The following NT5C1B variants were observed in gnomAD, a reference collection of about 807,000 sequenced individuals.
NT5C1B encodes 5'-nucleotidase, cytosolic IB, also known as cytosolic 5'-nucleotidase 1B.
NT5C1B carries 44 observed loss-of-function variants against 57.8 expected under a neutral mutation model. The observed-to-expected ratio is 0.76, with a 90% CI of 0.60 to 0.98. The LOEUF (loss-of-function observed/expected upper bound fraction) is 0.98, where lower values mean the gene tolerates loss of function less well. NT5C1B is among the 50% of genes least tolerant of loss of function. The probability of loss-of-function intolerance (pLI) is 0.00; values close to 1 mark genes in which losing one functional copy is unlikely to be tolerated. For synonymous variants in NT5C1B, 284 were observed against 282.6 expected, an observed-to-expected ratio of 1.00 and a Z score of -0.05; for missense variants, 742 against 719.5, an observed-to-expected ratio of 1.03 and a Z score of -0.36.
At chr2:18,587,546 T>G in exon 2 of NT5C1B, 1 of 1,614,028 alleles carries the variant, frequency 6.2e-7, no homozygotes. Context: ...TTCCTTTCTT[T>G]TTTCTGCTTC....
rs776947814 is a variant in NT5C1B, at chr2:18,584,652, G to A, written c.585C>T (p.Ala195=). Residue 195 remains alanine (A), a synonymous_variant, in exon 4 of 9, where the codon GCC becomes GCT. Coordinates refer to ENST00000304081, the Ensembl canonical transcript of NT5C1B. This position sits in a 1 kb window ranked among gnomAD's most constrained non-coding sequence, Gnocchi z 5.8. The stretch of plus-strand genomic sequence containing the variant: ...GAGAGTTGCGGTCCAGCTGGGTGGA[G>A]GCGGGGTAGATCCCCCTGCGCTGGC... The A allele has an allele frequency of 1.2e-6, 2 of 1,613,232 alleles. No individual in the cohort carries two copies. Among genetic ancestry groups the A allele is most frequent in the South Asian group, 1.1e-5 (1 of 90,890 alleles).
At chr2:18,569,493 A>G (rs907404745) in intron 8 of NT5C1B, among the ~76,000 whole-genome samples, 2 of 152,160 alleles carry the variant, frequency 1.3e-5, no homozygotes, top group Non-Finnish European at 2.9e-5. Context: ...ATCTATAAGA[A>G]AAATAAGTTA....
At chr2:18,576,457 T>C in intron 7 of NT5C1B, 89 bp from the exon 8 acceptor site, 1 of 1,470,782 alleles carries the variant, frequency 6.8e-7, no homozygotes, top group Non-Finnish European at 9.0e-7. Flanking sequence ...TCCCAGACCT[T>C]ATGTTTTCTC....
At chr2:18,576,163 A>G in intron 8 of NT5C1B, 21 bp downstream of exon 8, 2 of 1,575,752 alleles carry the variant, frequency 1.3e-6, no homozygotes, top group South Asian at 1.2e-5. Flanking sequence ...ATAAAAATTA[A>G]TTAGCACTCA....
rs750716674 is a variant in NT5C1B at position 18,589,496 on chromosome 2, GT to G, written c.-29del. 3 of 1,613,736 alleles carry G rather than the reference GT, an allele frequency of 1.9e-6. No individual in the cohort carries two copies. The highest frequency in any genetic ancestry group is 1.7e-6 in the Non-Finnish European group (2 of 1,179,928). On this transcript the variant is annotated 5_prime_UTR_variant, in exon 1 of 9. An upstream open reading frame in the 5' UTR loses its in-frame stop. Transcript: ENST00000304081. Reference sequence around the variant, plus strand: ...TTTTACCTGTTGAAATTCTTTTGTTGTTATCCACATTTTTGTCTCCCCAGCT... The same window carrying G: ...TTTTACCTGTTGAAATTCTTTTGTTGTATCCACATTTTTGTCTCCCCAGCT...
intron 1 of NT5C1B, among the ~76,000 whole-genome samples, chr2:18,588,982 G>A (rs905836864): frequency 2.6e-5 from 4 of 151,986 alleles, no homozygotes; most frequent in Admixed American, 1.3e-4. Context: ...TGTGTTCTTC[G>A]AAACCCAGCT....
chr2:18,585,666 T>C (rs1426856420), intron 3 of NT5C1B, among the ~76,000 whole-genome samples: 1 of 152,140 alleles, frequency 6.6e-6, no homozygotes, highest in Non-Finnish European at 1.5e-5. Flanking sequence ...TTATTAGGTA[T>C]CCATATATGA....
Position 18,584,353 on chromosome 2 carries a change from C to G in NT5C1B, c.724-98G>C. 6.4e-7 allele frequency: 1 copy of G among 1,552,680 alleles called. No homozygotes were observed. Among genetic ancestry groups the G allele is most frequent in the South Asian group, 1.2e-5 (1 of 80,922 alleles). ...TAGGGTGAGAGTAGGACAGCGGGCC[C>G]CTGCTTGGAGAAGCGGGATGCTGGA... On this transcript the variant is annotated intron_variant, in intron 4 of 8. Transcript: ENST00000304081. This position sits in a 1 kb window ranked among gnomAD's most constrained non-coding sequence, Gnocchi z 5.8.
At chr2:18,571,458 A>G (rs1665143137) in intron 8 of NT5C1B, among the ~76,000 whole-genome samples, 1 of 151,844 alleles carries the variant, frequency 6.6e-6, no homozygotes, top group South Asian at 2.1e-4. Flanking sequence ...AAAAAATGTA[A>G]TATCTGTGTG....
rs145060005 is a variant in NT5C1B, at chr2:18,584,602, C to CGCTGCTGCT, written c.626_634dup (p.Gln209_Gln211dup). The CGCTGCTGCT allele has an allele frequency of 1.2e-6, 2 of 1,611,800 alleles. No homozygotes were observed. Among genetic ancestry groups the CGCTGCTGCT allele is most frequent in the East Asian group, 2.2e-5 (1 of 44,792 alleles). Reference sequence around the variant, plus strand: ...AGCCTCGTAGTCGTCCTCGTCCTCCCGCTGCTGCTGCTGCTGCTCGGACAG... The same window carrying CGCTGCTGCT: ...AGCCTCGTAGTCGTCCTCGTCCTCCCGCTGCTGCTGCTGCTGCTGCTGCTGCTCGGACAG... On this transcript the variant is annotated inframe_insertion, in exon 4 of 9. Transcript: ENST00000304081. The surrounding 1 kb of genome is among the most constrained non-coding windows in gnomAD (Gnocchi z 5.8).
rs776664453 is a variant in NT5C1B at position 18,589,487 on chromosome 2, T to G, written c.-19A>C. ...GACTCATTTTTTTACCTGTTGAAAT[T>G]CTTTTGTTGTTATCCACATTTTTGT... is the stretch of plus-strand genomic sequence containing the variant. On this transcript the variant is annotated 5_prime_UTR_variant, in exon 1 of 9. Coordinates refer to ENST00000304081, the Ensembl canonical transcript of NT5C1B. 9.3e-6 allele frequency: 15 copies of G among 1,613,890 alleles called. No homozygotes were observed. In the Admixed American group the frequency reaches 2.5e-4, roughly 27 times the overall value.
chr2:18,576,557 G>A, intron 7 of NT5C1B, among the ~76,000 whole-genome samples, 189 bp from the exon 8 acceptor site: 1 of 152,166 alleles, frequency 6.6e-6, no homozygotes. Context: ...TATAGGGATG[G>A]AACATGTGAA....
chr2:18,570,338 C>T (rs1052947465), intron 8 of NT5C1B, among the ~76,000 whole-genome samples: 3 of 151,848 alleles, frequency 2.0e-5, no homozygotes, highest in Non-Finnish European at 2.9e-5. Flanking sequence ...TCTGGCCAAA[C>T]TGACCAAGAA....
chr2:18,586,132 G>A, intron 3 of NT5C1B, 122 bp downstream of exon 3: 1 of 1,431,914 alleles, frequency 7.0e-7, no homozygotes, highest in South Asian at 1.6e-5. Flanking sequence ...GTTCTCCCAA[G>A]GGCTAAATTA....
intron 3 of NT5C1B, among the ~76,000 whole-genome samples, chr2:18,585,410 A>T (rs1666609323): frequency 6.6e-6 from 1 of 152,146 alleles, no homozygotes; most frequent in Non-Finnish European, 1.5e-5. Context: ...AGTTAACTCC[A>T]TGAGCAAAGT....
chr2:18,584,595 G>T lies in NT5C1B; in HGVS notation c.642C>A (p.Asp214Glu), dbSNP rs191446499. Residue 214 changes from aspartate to glutamate, a missense_variant, in exon 4 of 9, where the codon GAC becomes GAA. Coordinates refer to ENST00000304081, the Ensembl canonical transcript of NT5C1B. The surrounding 1 kb of genome is among the most constrained non-coding windows in gnomAD (Gnocchi z 5.8). ...AGTAGGCAGCCTCGTAGTCGTCCTC[G>T]TCCTCCCGCTGCTGCTGCTGCTGCT... 32 of 1,612,578 alleles carry T rather than the reference G, an allele frequency of 2.0e-5. No individual in the cohort carries two copies. The Admixed American group carries it at 5.2e-4, about 26-fold the overall frequency.
At chr2:18,565,444 ACTTTTGG>A (rs1664561983) in intron 8 of NT5C1B, among the ~76,000 whole-genome samples, 1 of 152,116 alleles carries the variant, frequency 6.6e-6, no homozygotes, top group Non-Finnish European at 1.5e-5. Context: ...CCTTGAATAA[ACTTTTGG>A]CTAGATATAG....
At position 18,583,088 on chromosome 2, in the gene NT5C1B, T is replaced by G. The variant is rs949234537; in HGVS notation, c.892-91A>C. 11 of 1,479,996 alleles carry G rather than the reference T, an allele frequency of 7.4e-6. No homozygotes were observed. In the South Asian group the frequency reaches 1.4e-4, roughly 19 times the overall value. 91.7% of individuals were successfully genotyped at this position (1,479,996 alleles called of 1,614,324 possible). A position where few individuals can be genotyped will look rare whatever the true frequency, so the allele number is the denominator to read the frequency against. On this transcript the variant is annotated intron_variant, in intron 5 of 8. Transcript: ENST00000304081. The stretch of plus-strand genomic sequence containing the variant: ...AGGAAGCATCTCATCAGAGTCAAAT[T>G]CAAGCTCTGAAGAATCTTCACTGAG...
chr2:18,566,453 C>T (rs973875780), intron 8 of NT5C1B, among the ~76,000 whole-genome samples: 5 of 151,982 alleles, frequency 3.3e-5, no homozygotes, highest in Non-Finnish European at 7.4e-5. Context: ...GGTAAGAGGC[C>T]ATACATATAG....
Sources: allele counts gnomAD v4.1 joint callset (sites outside exome capture counted in the v4.1 genomes callset), GRCh38; gene constraint gnomAD v4.1.1; non-coding constraint Gnocchi (gnomAD v3.1); transcripts MANE v1.5; gene names NCBI Gene and HGNC (gene_info 2026-07-23, HGNC 2026-07-21).